Variants in WWP2 observed in about 807,000 individuals in gnomAD.
WWP2 encodes the protein WW domain containing E3 ubiquitin protein ligase 2.
A neutral mutation model predicts 121.0 loss-of-function variants in WWP2; 57 were observed. The observed-to-expected ratio is 0.47, with a 90% CI of 0.38 to 0.59. WWP2 has a LOEUF of 0.59. Among genes scored for constraint, WWP2 ranks in the 20% least tolerant of loss-of-function variants. WWP2 has a pLI of 0.00. For missense variants in WWP2, 962 were observed against 1,158.9 expected (o/e 0.83, Z 2.47); for synonymous variants, 449 against 441.3 (o/e 1.02, Z -0.22).
chr16:69,769,184 A>G (rs7204615), intron 1 of WWP2, among the ~76,000 whole-genome samples: 121,181 of 151,902 alleles, frequency 0.8, 49,320 homozygotes, highest in Admixed American at 0.89. Context: ...AGGCGTGGTG[A>G]CAGGCACCTG....
intron 2 of WWP2, among the ~76,000 whole-genome samples, chr16:69,797,895 A>C (rs1231391244): frequency 6.6e-6 from 1 of 152,122 alleles, no homozygotes; most frequent in South Asian, 2.1e-4. Context: ...TCTCAGAAAA[A>C]AAAAAAAAAT....
At chr16:69,848,478 C>T (rs911678584) in intron 6 of WWP2, among the ~76,000 whole-genome samples, 19 of 149,570 alleles carry the variant, frequency 1.3e-4, no homozygotes, top group South Asian at 2.1e-4. Flanking sequence ...AAACAAGAAG[C>T]GAAGTGTCAA....
Position 69,805,217 on chromosome 16 carries a change from G to A in WWP2, c.340+5922G>A, listed in dbSNP as rs2056250524. Among the ~76,000 whole-genome samples the A allele has an allele frequency of 2.0e-5, 3 of 151,876 alleles. No homozygotes were observed. The South Asian group carries it at 6.2e-4, about 31-fold the overall frequency. On this transcript the variant is annotated intron_variant, in intron 4 of 23. Coordinates refer to ENST00000359154, the MANE Select transcript of WWP2 (RefSeq NM_001270454.2). The stretch of plus-strand genomic sequence containing the variant: ...ACCATGCCTAATTTTTGTATTTTTG[G>A]TAGAGACGGGGTTTCATCATTAAGG...
At chr16:69,782,796 C>T (rs1038446380) in intron 1 of WWP2, among the ~76,000 whole-genome samples, 4 of 152,184 alleles carry the variant, frequency 2.6e-5, no homozygotes, top group African/African-American at 7.2e-5. Context: ...AAAATGTCAA[C>T]ATCATTGTCA....
chr16:69,939,284 C>T (rs2058844882), intron 22 of WWP2, 57 bp from the exon 23 acceptor site: 1 of 1,607,360 alleles, frequency 6.2e-7, no homozygotes, highest in Non-Finnish European at 8.5e-7. Context: ...GCCGGAGGAT[C>T]CTGCTTTGGG....
chr16:69,836,968 G>A (rs12926494), intron 4 of WWP2, among the ~76,000 whole-genome samples: 1 of 151,590 alleles, frequency 6.6e-6, no homozygotes, highest in Middle Eastern at 3.5e-3. Flanking sequence ...TGGTTGCTTA[G>A]GTTGGAGTGC....
Position 69,858,886 on chromosome 16 carries a change from G to A in WWP2, c.576-12918G>A, listed in dbSNP as rs971301196. On this transcript the variant is annotated intron_variant, in intron 6 of 23. Transcript: ENST00000359154. ...TTGAGTGTCTCCTTGAGGACATTAG[G>A]ATCACTGGAATGCTGCTCCTTCGAC... Among the ~76,000 whole-genome samples the A allele has an allele frequency of 4.0e-4, 61 of 152,244 alleles. 1 individual carries two copies. Among genetic ancestry groups the A allele is most frequent in the African/African-American group, 1.5e-3 (61 of 41,540 alleles).
chr16:69,847,488 C>CA (rs2057105651), intron 6 of WWP2, among the ~76,000 whole-genome samples: 1 of 151,102 alleles, frequency 6.6e-6, no homozygotes, highest in South Asian at 2.1e-4. Flanking sequence ...CAGCTCACTG[C>CA]AACTTCTCTC....
chr16:69,856,343 G>A (rs2057312245), intron 6 of WWP2, among the ~76,000 whole-genome samples: 1 of 152,172 alleles, frequency 6.6e-6, no homozygotes, highest in Non-Finnish European at 1.5e-5. Flanking sequence ...AATTTTGGGA[G>A]CAATGGGAAT....
intron 2 of WWP2, among the ~76,000 whole-genome samples, chr16:69,792,082 C>T (rs926019718): frequency 1.3e-5 from 2 of 152,172 alleles, no homozygotes; most frequent in East Asian, 1.9e-4. Flanking sequence ...TTCTTTTTCC[C>T]GTGCATTTCA....
At chr16:69,837,926 A>G (rs2151867514) in intron 4 of WWP2, among the ~76,000 whole-genome samples, 1 of 152,318 alleles carries the variant, frequency 6.6e-6, no homozygotes, top group South Asian at 2.1e-4. Context: ...AAGAATGACT[A>G]TAAAATGAAT....
chr16:69,931,524 A>G lies in WWP2; in HGVS notation c.1537A>G (p.Ser513Gly). Residue 513 changes from serine (S) to glycine (G), a missense_variant, in exon 15 of 24, where the codon AGC becomes GGC. Transcript: ENST00000359154. ...RFLCHSNALPSHVKISVSRQT... is the reference protein window; with the variant it reads ...RFLCHSNALPGHVKISVSRQT... ...TTTTTTTCAGTCAAATGCCCTACCTAGCCACGTGAAGATCAGCGTTTCCAG... is the reference window on the plus strand; with the variant it reads ...TTTTTTTCAGTCAAATGCCCTACCTGGCCACGTGAAGATCAGCGTTTCCAG... The G allele has an allele frequency of 6.2e-7, 1 of 1,613,090 alleles. No homozygotes were observed. The highest frequency in any genetic ancestry group is 8.5e-7 in the Non-Finnish European group (1 of 1,179,862).
In WWP2 at chr16:69,799,384, G is replaced by T; in HGVS notation, c.340+89G>T. On this transcript the variant is annotated intron_variant, in intron 4 of 23. Transcript: ENST00000359154. The surrounding 1 kb of genome is among the most constrained non-coding windows in gnomAD (Gnocchi z 4.5). ...AACCTGGTATTGCAATTTCCCCCAG[G>T]ACTAGGGGCTGCAGTACCTCTGTTC... 6 of 1,520,250 alleles carry T rather than the reference G, an allele frequency of 3.9e-6. No homozygotes were observed. The highest frequency in any genetic ancestry group is 5.3e-6 in the Non-Finnish European group (6 of 1,130,444). The allele number at this position is 1,520,250 out of a possible 1,614,324, so 94.2% of individuals were successfully genotyped here.
intron 1 of WWP2, among the ~76,000 whole-genome samples, chr16:69,764,338 C>G (rs1424966267): frequency 6.6e-6 from 1 of 152,128 alleles, no homozygotes; most frequent in Non-Finnish European, 1.5e-5. Context: ...ACAGCTGGGA[C>G]TACAGGTGGG....
At chr16:69,778,564 G>A (rs1444994006) in intron 1 of WWP2, among the ~76,000 whole-genome samples, 1 of 152,088 alleles carries the variant, frequency 6.6e-6, no homozygotes, top group Non-Finnish European at 1.5e-5. Context: ...TACGCATTAG[G>A]AACCTTGTCT....
At chr16:69,913,451 G>A (rs891877174) in intron 9 of WWP2, among the ~76,000 whole-genome samples, 16 of 152,116 alleles carry the variant, frequency 1.1e-4, no homozygotes, top group African/African-American at 3.9e-4. Context: ...GCAGTGAGCC[G>A]TGATTGTGCC....
chr16:69,798,112 G>A (rs1039915383), intron 2 of WWP2, among the ~76,000 whole-genome samples: 1 of 152,154 alleles, frequency 6.6e-6, no homozygotes. Context: ...CTGGTAAAAT[G>A]AATATTCTCC....
intron 4 of WWP2, among the ~76,000 whole-genome samples, chr16:69,822,524 C>A (rs375046867): frequency 6.6e-6 from 1 of 151,968 alleles, no homozygotes; most frequent in African/African-American, 2.4e-5. Context: ...TTTGCCTGGC[C>A]TGGGTGGGGT....
At chr16:69,787,970 A>T (rs1158474416) in intron 2 of WWP2, 1 of 152,166 alleles carries the variant, frequency 6.6e-6, no homozygotes, top group African/African-American at 2.4e-5. Context: ...CATTGTCTCC[A>T]CCCTGAGTTA....
Sources: gnomAD v4.1 joint callset for allele counts (sites outside exome capture counted in the v4.1 genomes callset) on GRCh38, gnomAD v4.1.1 for gene constraint, Gnocchi (gnomAD v3.1) non-coding constraint, MANE v1.5 for transcripts, NCBI Gene and HGNC (gene_info 2026-07-23, HGNC 2026-07-21) for gene names.